Variants in TOX3 observed in about 807,000 individuals in gnomAD.
TOX3 encodes TOX high mobility group box family member 3.
A neutral mutation model predicts 64.3 loss-of-function variants in TOX3; 22 were observed. The ratio of observed to expected loss-of-function variants is 0.34; its 90% confidence interval spans 0.24 to 0.49. The LOEUF (loss-of-function observed/expected upper bound fraction) is 0.49. TOX3 is among the 20% of genes least tolerant of loss of function. TOX3 has a pLI of 0.99. For synonymous variants in TOX3, 291 were observed against 273.6 expected (o/e 1.06, Z -0.63); for missense variants, 661 against 714.4 (o/e 0.93, Z 0.85).
intron 1 of TOX3, among the ~76,000 whole-genome samples, chr16:52,512,788 T>G (rs143346065): frequency 6.6e-6 from 1 of 151,400 alleles, no homozygotes; most frequent in East Asian, 1.9e-4. Context: ...ATGGAAAAGC[T>G]CTGAGTTAGG....
chr16:52,539,559 A>G (rs1222263481), intron 1 of TOX3, among the ~76,000 whole-genome samples: 2 of 152,216 alleles, frequency 1.3e-5, no homozygotes, highest in Non-Finnish European at 1.5e-5. Context: ...ACACCAGCCA[A>G]TCCTCAGGTC....
intron 1 of TOX3, among the ~76,000 whole-genome samples, chr16:52,516,616 T>A (rs1962464892): frequency 6.6e-6 from 1 of 152,216 alleles, no homozygotes; most frequent in Non-Finnish European, 1.5e-5. Flanking sequence ...TTGAAAAAAA[T>A]CAGATATATG....
intron 2 of TOX3, among the ~76,000 whole-genome samples, chr16:52,466,944 C>A (rs770831602): frequency 5.3e-5 from 8 of 152,188 alleles, no homozygotes; most frequent in Non-Finnish European, 7.4e-5. Flanking sequence ...AAAAGACACA[C>A]TGACTTTGGT....
intron 1 of TOX3, among the ~76,000 whole-genome samples, chr16:52,479,514 A>G (rs1961310253): frequency 6.6e-6 from 1 of 152,232 alleles, no homozygotes; most frequent in Non-Finnish European, 1.5e-5. Context: ...AATAATGTCT[A>G]TTCTGCGTGT....
intron 2 of TOX3, among the ~76,000 whole-genome samples, chr16:52,467,161 C>G (rs920126219): frequency 7.2e-5 from 11 of 152,070 alleles, no homozygotes; most frequent in Admixed American, 7.2e-4. Context: ...ATATAACAGC[C>G]AATGTCTGAC....
intron 6 of TOX3, among the ~76,000 whole-genome samples, chr16:52,443,663 C>A (rs1960072444): frequency 6.6e-6 from 1 of 152,134 alleles, no homozygotes; most frequent in Non-Finnish European, 1.5e-5. Context: ...ATGTTAATAT[C>A]ATGTATTAGC....
At chr16:52,504,466 C>CAAAAAA in intron 1 of TOX3, among the ~76,000 whole-genome samples, 1 of 94,052 alleles carries the variant, frequency 1.1e-5, no homozygotes, top group Non-Finnish European at 2.0e-5. Context: ...GACTCCGTCT[C>CAAAAAA]AAAAAAAAAA....
At chr16:52,476,651 G>C (rs547474063) in intron 1 of TOX3, among the ~76,000 whole-genome samples, 2 of 152,244 alleles carry the variant, frequency 1.3e-5, no homozygotes, top group African/African-American at 4.8e-5. Flanking sequence ...TAACACATAT[G>C]TTGTGAAGTG....
intron 3 of TOX3, among the ~76,000 whole-genome samples, chr16:52,452,395 T>G (rs1960379256): frequency 6.6e-6 from 1 of 152,212 alleles, no homozygotes; most frequent in African/African-American, 2.4e-5. Flanking sequence ...GTTTCATCCA[T>G]GTACCTATAA....
In TOX3 at chr16:52,447,740, T is replaced by G. The variant is rs150499562; in HGVS notation, c.679-1519A>C. 2.9e-3 allele frequency among the ~76,000 whole-genome samples: 446 copies of G among 152,334 alleles called. 2 individuals are homozygous for G. Among genetic ancestry groups the G allele is most frequent in the African/African-American group, 9.7e-3 (402 of 41,584 alleles). Reference sequence around the variant, plus strand: ...TTTAATTCTACTTAATGAATGTGAATTTCCAAGAGAGTCAGATGCCTTTCA... The same window carrying G: ...TTTAATTCTACTTAATGAATGTGAAGTTCCAAGAGAGTCAGATGCCTTTCA... On this transcript the variant is annotated intron_variant, in intron 4 of 6. Transcript: ENST00000219746.
chr16:52,536,660 T>C (rs1374594484), intron 1 of TOX3, among the ~76,000 whole-genome samples: 4 of 127,482 alleles, frequency 3.1e-5, no homozygotes, highest in African/African-American at 1.2e-4. Context: ...TATATATATA[T>C]ATATATATAT....
At chr16:52,473,058 C>A (rs1961093468) in intron 1 of TOX3, among the ~76,000 whole-genome samples, 1 of 152,116 alleles carries the variant, frequency 6.6e-6, no homozygotes, top group Admixed American at 6.5e-5. Context: ...AGGAGCACCG[C>A]AGGATTTTTT....
At chr16:52,490,894 G>A (rs1417046904) in intron 1 of TOX3, among the ~76,000 whole-genome samples, 1 of 152,034 alleles carries the variant, frequency 6.6e-6, no homozygotes, top group Non-Finnish European at 1.5e-5. Context: ...CTCCCAAAAT[G>A]CCAGGATGAC....
chr16:52,466,337 G>C (rs1394027604), intron 2 of TOX3, among the ~76,000 whole-genome samples: 1 of 152,164 alleles, frequency 6.6e-6, no homozygotes, highest in Non-Finnish European at 1.5e-5. Context: ...GAGTATCCTA[G>C]TTCCTGTAGT....
chr16:52,519,709 G>C (rs959614128), intron 1 of TOX3: 1 of 797,756 alleles, frequency 1.3e-6, no homozygotes, highest in Non-Finnish European at 1.7e-6. Context: ...TGTAATCCCA[G>C]CACTTTGGGA....
chr16:52,518,203 C>A (rs1241332219), intron 1 of TOX3, among the ~76,000 whole-genome samples: 4 of 152,178 alleles, frequency 2.6e-5, no homozygotes, highest in Non-Finnish European at 5.9e-5. Context: ...TCCGTATATA[C>A]TTAACCTCCT....
At chr16:52,455,088 A>T (rs548784022) in intron 3 of TOX3, among the ~76,000 whole-genome samples, 1 of 152,204 alleles carries the variant, frequency 6.6e-6, no homozygotes, top group Admixed American at 6.5e-5. Flanking sequence ...ATAACCAACA[A>T]TAAGAGCTGA....
chr16:52,547,733 G>A (rs1331237296), upstream of TOX3: 1 of 152,264 alleles, frequency 6.6e-6, no homozygotes, highest in African/African-American at 2.4e-5. Flanking sequence ...TTCCCAGAAG[G>A]GGTGTTGGGG....
Position 52,439,393 on chromosome 16 carries a change from G to A in TOX3, c.1563C>T (p.His521=). Residue 521 remains histidine (H), a synonymous_variant, in exon 7 of 7, where the codon CAC becomes CAT. Coordinates refer to ENST00000219746, the MANE Select transcript of TOX3 (RefSeq NM_001080430.4). ...GAGAAGGCTGAGACTGGTGCTGCAT[G>A]TGTTGCAGCTGCTGCAGCTGGAGGC... ...QQRLQLQQLQ[H]MQHQSQPSPR... 1 of 1,594,620 alleles carries A rather than the reference G, an allele frequency of 6.3e-7. No individual in the cohort carries two copies.
Sources: allele counts gnomAD v4.1 joint callset (sites outside exome capture counted in the v4.1 genomes callset), GRCh38; gene constraint gnomAD v4.1.1; transcripts MANE v1.5; gene names NCBI Gene and HGNC (gene_info 2026-07-23, HGNC 2026-07-21).